MAP2: variants seen among roughly 807,000 people sequenced by gnomAD.
The protein encoded by MAP2 is microtubule associated protein 2.
Under a neutral mutation model 137.6 loss-of-function variants are expected in MAP2, and 14 were observed. The ratio of observed to expected loss-of-function variants is 0.10; its 90% confidence interval spans 0.07 to 0.16. The LOEUF is 0.16. Ranked by LOEUF, MAP2 falls within the 10% of genes least tolerant of loss-of-function variation. The pLI is 1.00. For missense variants in MAP2, 2,088 were observed against 2,191.5 expected (o/e 0.95, Z 0.94); for synonymous variants, 786 against 782.3 (o/e 1.00, Z -0.08).
intron 1 of MAP2, among the ~76,000 whole-genome samples, chr2:209,446,034 T>C (rs1698975393): frequency 6.6e-6 from 1 of 151,712 alleles, no homozygotes; most frequent in African/African-American, 2.4e-5. Context: ...AAGAAAATAT[T>C]TGGGTTTTGG....
chr2:209,444,303 C>T (rs1253080536), intron 1 of MAP2, among the ~76,000 whole-genome samples: 1 of 151,384 alleles, frequency 6.6e-6, no homozygotes, highest in Non-Finnish European at 1.5e-5. Flanking sequence ...CTTGTCTTTG[C>T]TCAAGGATTA....
chr2:209,652,192 G>T (rs755425694), intron 4 of MAP2, among the ~76,000 whole-genome samples: 6 of 152,112 alleles, frequency 3.9e-5, no homozygotes, highest in Non-Finnish European at 8.8e-5. Context: ...AGGTCATGCA[G>T]TATCTTCCAT....
intron 1 of MAP2, among the ~76,000 whole-genome samples, chr2:209,456,561 A>T (rs1701584714): frequency 6.6e-6 from 1 of 152,194 alleles, no homozygotes; most frequent in Admixed American, 6.5e-5. Flanking sequence ...AAAGATACCA[A>T]GACATACAGA....
chr2:209,459,266 T>C (rs1017127199), intron 1 of MAP2, among the ~76,000 whole-genome samples: 2 of 152,148 alleles, frequency 1.3e-5, no homozygotes, highest in Non-Finnish European at 2.9e-5. Flanking sequence ...GATAATGCCA[T>C]TCATATAGTT....
chr2:209,719,647 C>T lies in MAP2; in HGVS notation c.5074-6062C>T, dbSNP rs192467258. ...AAATATATGCAGAGAGAGAGAGCAC[C>T]GTGGCAGATCACTTCAATTAAACCG... On this transcript the variant is annotated intron_variant, in intron 13 of 15. Transcript: ENST00000682079. 7.2e-4 allele frequency among the ~76,000 whole-genome samples: 110 copies of T among 152,044 alleles called. 1 individual carries two copies. The highest frequency in any genetic ancestry group is 3.2e-3 in the Admixed American group (49 of 15,252).
intron 5 of MAP2, among the ~76,000 whole-genome samples, chr2:209,673,575 C>A (rs554580597): frequency 6.6e-6 from 1 of 151,738 alleles, no homozygotes; most frequent in Non-Finnish European, 1.5e-5. Flanking sequence ...AGTGCCAGAA[C>A]ATTTTATAAG....
intron 1 of MAP2, among the ~76,000 whole-genome samples, chr2:209,458,861 C>T (rs1702124383): frequency 6.6e-6 from 1 of 151,984 alleles, no homozygotes; most frequent in African/African-American, 2.4e-5. Flanking sequence ...GTGCTCTAAG[C>T]TCTCTATACC....
intron 4 of MAP2, among the ~76,000 whole-genome samples, chr2:209,638,150 A>G (rs1321239330): frequency 6.6e-6 from 1 of 152,138 alleles, no homozygotes. Context: ...TAGCAAATGT[A>G]TGTCCCATCA....
At chr2:209,583,265 TA>T (rs781169217) in intron 3 of MAP2, among the ~76,000 whole-genome samples, 59 of 152,210 alleles carry the variant, frequency 3.9e-4, no homozygotes, top group African/African-American at 1.4e-3. Flanking sequence ...AGCTCTATTG[TA>T]TTTTAATTTT....
At position 209,588,460 on chromosome 2, in the gene MAP2, T is replaced by A. The variant is rs912644743; in HGVS notation, c.-107+8360T>A. On this transcript the variant is annotated intron_variant, in intron 3 of 15. Transcript: ENST00000682079. ...AGCCAGATGTACATTGATCCACCTA[T>A]GGCAATTATTAAGGAAAAGATACTC... 4.6e-5 allele frequency among the ~76,000 whole-genome samples: 7 copies of A among 152,296 alleles called. No individual in the cohort carries two copies. In the East Asian group the frequency reaches 1.4e-3, roughly 29 times the overall value.
chr2:209,675,395 A>C (rs986436765), intron 5 of MAP2, among the ~76,000 whole-genome samples: 18 of 151,892 alleles, frequency 1.2e-4, no homozygotes, highest in Admixed American at 3.9e-4. Flanking sequence ...TCCCATCTAC[A>C]ATAAATGATA....
chr2:209,445,817 C>T (rs1269509224), intron 1 of MAP2, among the ~76,000 whole-genome samples: 1 of 151,654 alleles, frequency 6.6e-6, no homozygotes, highest in Non-Finnish European at 1.5e-5. Context: ...AATATGTGGA[C>T]TCAAACTCAA....
At chr2:209,486,998 T>G (rs1281525107) in intron 1 of MAP2, among the ~76,000 whole-genome samples, 1 of 152,230 alleles carries the variant, frequency 6.6e-6, no homozygotes, top group Non-Finnish European at 1.5e-5. Flanking sequence ...TTGTAGTGTA[T>G]AGATTCCATT....
At chr2:209,444,139 T>C (rs1363242971) in intron 1 of MAP2, among the ~76,000 whole-genome samples, 2 of 151,612 alleles carry the variant, frequency 1.3e-5, no homozygotes, top group African/African-American at 4.8e-5. Flanking sequence ...TGGCAATAAA[T>C]GATTTACCAA....
At chr2:209,678,470 A>T in intron 5 of MAP2, 102 bp from the exon 6 acceptor site, 1 of 459,712 alleles carries the variant, frequency 2.2e-6, no homozygotes. Context: ...TTTTAGGGGG[A>T]AGAAAATGAA....
intron 1 of MAP2, among the ~76,000 whole-genome samples, chr2:209,474,756 C>T (rs1169771682): frequency 6.6e-6 from 1 of 151,826 alleles, no homozygotes; most frequent in African/African-American, 2.4e-5. Flanking sequence ...AAAATAAAAC[C>T]GTATTTTACT....
intron 4 of MAP2, among the ~76,000 whole-genome samples, chr2:209,635,125 A>T (rs778614743): frequency 6.6e-6 from 1 of 152,060 alleles, no homozygotes; most frequent in Non-Finnish European, 1.5e-5. Flanking sequence ...AATAAATCAG[A>T]TATTTTACAT....
intron 5 of MAP2, among the ~76,000 whole-genome samples, chr2:209,658,786 C>T (rs1011769705): frequency 1.3e-5 from 2 of 152,120 alleles, no homozygotes; most frequent in Non-Finnish European, 1.5e-5. Flanking sequence ...GGATTACAGG[C>T]GTGAGCCACT....
At chr2:209,661,645 A>G in intron 5 of MAP2, 1 of 985,466 alleles carries the variant, frequency 1.0e-6, no homozygotes, top group Non-Finnish European at 1.2e-6. Flanking sequence ...AGAGTGAGAA[A>G]GACAAGGATT....
Sources: allele counts gnomAD v4.1 joint callset (sites outside exome capture counted in the v4.1 genomes callset), GRCh38; gene constraint gnomAD v4.1.1; transcripts MANE v1.5; gene names NCBI Gene and HGNC (gene_info 2026-07-23, HGNC 2026-07-21).